TENM4: variants seen among roughly 807,000 people sequenced by gnomAD.
TENM4 encodes teneurin transmembrane protein 4, also known as teneurin-4.
Under a neutral mutation model 243.3 loss-of-function variants are expected in TENM4, and 82 were observed. That is an observed-to-expected ratio of 0.34 (90% CI 0.28 to 0.40). The LOEUF is 0.40. Ranked by LOEUF, TENM4 falls within the 10% of genes least tolerant of loss-of-function variation. The probability of loss-of-function intolerance (pLI) is 1.00; values close to 1 mark genes in which losing one functional copy is unlikely to be tolerated. For missense variants in TENM4, 3,138 were observed against 3,673.3 expected (o/e 0.85, Z 3.77); for synonymous variants, 1,412 against 1,456.3 (o/e 0.97, Z 0.69).
chr11:79,141,686 A>C (rs567725365), intron 4 of TENM4, among the ~76,000 whole-genome samples: 1 of 152,210 alleles, frequency 6.6e-6, no homozygotes, highest in African/African-American at 2.4e-5. Flanking sequence ...AGATGCATCA[A>C]ACAAATAAAC....
intron 6 of TENM4, among the ~76,000 whole-genome samples, chr11:79,059,763 G>C (rs1317982032): frequency 6.6e-6 from 1 of 152,126 alleles, no homozygotes; most frequent in Non-Finnish European, 1.5e-5. Flanking sequence ...CCTCTTCTTA[G>C]TTCCTGCTAA....
chr11:79,414,980 C>A (rs764609524), intron 1 of TENM4, among the ~76,000 whole-genome samples: 1 of 152,206 alleles, frequency 6.6e-6, no homozygotes, highest in Non-Finnish European at 1.5e-5. Flanking sequence ...AGGGGAGAGG[C>A]CTCGTGGTGC....
intron 9 of TENM4, among the ~76,000 whole-genome samples, chr11:78,885,218 GCCAACAGATTTCT>G (rs1157276381): frequency 6.6e-6 from 1 of 152,148 alleles, no homozygotes; most frequent in Non-Finnish European, 1.5e-5. Flanking sequence ...ATTGTGTTCT[GCCAACAGATTTCT>G]CCAGAAAAGA....
At chr11:79,402,970 A>C (rs75909034) in intron 1 of TENM4, among the ~76,000 whole-genome samples, 1,671 of 152,328 alleles carry the variant, frequency 0.011, 31 homozygotes, top group African/African-American at 0.038. Flanking sequence ...ACTGCTCCAA[A>C]TGAATATTAA....
chr11:79,294,930 G>C (rs913254047), intron 2 of TENM4, among the ~76,000 whole-genome samples: 1 of 152,116 alleles, frequency 6.6e-6, no homozygotes, highest in Non-Finnish European at 1.5e-5. Flanking sequence ...ATGGGCATTT[G>C]CTGCCTGGAG....
chr11:79,412,884 C>A (rs1309202700), intron 1 of TENM4, among the ~76,000 whole-genome samples: 1 of 152,208 alleles, frequency 6.6e-6, no homozygotes, highest in African/African-American at 2.4e-5. Context: ...CACAGCCAGG[C>A]ACTGTGTCAG....
chr11:79,234,733 T>G (rs1387339105), intron 2 of TENM4, among the ~76,000 whole-genome samples: 2 of 152,172 alleles, frequency 1.3e-5, no homozygotes, highest in East Asian at 1.9e-4. Context: ...ATTGTGCACA[T>G]AATTGCTACG....
intron 12 of TENM4, among the ~76,000 whole-genome samples, chr11:78,815,548 T>C (rs1162575748): frequency 6.6e-6 from 1 of 152,140 alleles, no homozygotes; most frequent in Non-Finnish European, 1.5e-5. Flanking sequence ...TAGAATCAAT[T>C]TCAGAAAGAT....
rs374733201 is a variant in TENM4, at chr11:79,343,339, T to C, written c.-320-45796A>G. Among the ~76,000 whole-genome samples the C allele has an allele frequency of 3.4e-4, 52 of 152,350 alleles. No homozygotes were observed. The Middle Eastern group carries it at 0.014, about 40-fold the overall frequency. ...ATGAGAACACAGAGGCTCAGGAAAG[T>C]GAAGCAGCTTGGCCTACGGTTTCAC... On this transcript the variant is annotated intron_variant, in intron 1 of 33. Transcript: ENST00000278550.
At chr11:78,930,741 G>T (rs1387328677) in intron 6 of TENM4, among the ~76,000 whole-genome samples, 1 of 152,178 alleles carries the variant, frequency 6.6e-6, no homozygotes, top group African/African-American at 2.4e-5. Context: ...AAAAAATTTT[G>T]ATTGTAACCT....
At chr11:78,739,983 G>A (rs1203430564) in intron 19 of TENM4, among the ~76,000 whole-genome samples, 1 of 152,236 alleles carries the variant, frequency 6.6e-6, no homozygotes, top group African/African-American at 2.4e-5. Flanking sequence ...GGGTGGAAAT[G>A]AAGGCACTGG....
At position 79,438,699 on chromosome 11, in the gene TENM4, C is replaced by T. The variant is rs1297698868; in HGVS notation, c.-321+1810G>A. Among the ~76,000 whole-genome samples, 29 of 152,210 alleles carry T rather than the reference C, an allele frequency of 1.9e-4. No homozygotes were observed. Among genetic ancestry groups the T allele is most frequent in the Admixed American group, 1.9e-3 (29 of 15,284 alleles). On this transcript the variant is annotated intron_variant, in intron 1 of 33. Transcript: ENST00000278550. This position sits in a 1 kb window ranked among gnomAD's most constrained non-coding sequence, Gnocchi z 4.1. Reference sequence around the variant, plus strand: ...TTTGGGGCTCCCCAGGACACCAAGTCAGTTTCTGAAAACGGCGTTCCCTGG... The same window carrying T: ...TTTGGGGCTCCCCAGGACACCAAGTTAGTTTCTGAAAACGGCGTTCCCTGG...
chr11:79,364,711 C>A (rs531449017), intron 1 of TENM4, among the ~76,000 whole-genome samples: 1 of 152,342 alleles, frequency 6.6e-6, no homozygotes, highest in East Asian at 1.9e-4. Context: ...GCTTCTATCA[C>A]ACTGAGGCCC....
chr11:78,979,720 G>C (rs1427126293), intron 6 of TENM4, among the ~76,000 whole-genome samples: 1 of 150,816 alleles, frequency 6.6e-6, no homozygotes, highest in Non-Finnish European at 1.5e-5. Context: ...CAGAGATAGG[G>C]ATGGTGGTAA....
Position 78,814,333 on chromosome 11 carries a change from G to C in TENM4, c.1744C>G (p.His582Asp). 1 of 1,550,470 alleles carries C rather than the reference G, an allele frequency of 6.4e-7. No individual in the cohort carries two copies. The highest frequency in any genetic ancestry group is 8.7e-7 in the Non-Finnish European group (1 of 1,146,444). Residue 582 changes from histidine to aspartate, a missense_variant, in exon 13 of 34, where the codon CAC (histidine) becomes GAC (aspartate). Physicochemically the swap from His to Asp is moderately conservative, Grantham distance 81. This residue lies in a region of TENM4 where 2,467 missense variants were observed against 3,059.1 expected (regional missense o/e 0.81). Coordinates refer to ENST00000278550, the MANE Select transcript of TENM4 (RefSeq NM_001098816.3). ...GGGCCCAGGAAACCCAGGAAGCAGTGGCAGGTCCCAGAGATGCAGTCACCA... is the reference window on the plus strand; with the variant it reads ...GGGCCCAGGAAACCCAGGAAGCAGTCGCAGGTCCCAGAGATGCAGTCACCA... ...GNGDCISGTC[H>D]CFLGFLGPDC... is the part of the protein sequence containing the mutation.
At chr11:79,398,817 TG>T (rs988242423) in intron 1 of TENM4, among the ~76,000 whole-genome samples, 4 of 148,658 alleles carry the variant, frequency 2.7e-5, no homozygotes, top group African/African-American at 9.9e-5. Context: ...TAAGGTATGC[TG>T]GGGGCCCAAG....
chr11:79,105,579 C>T (rs1861345886), intron 4 of TENM4, among the ~76,000 whole-genome samples: 1 of 152,286 alleles, frequency 6.6e-6, no homozygotes, highest in East Asian at 1.9e-4. Context: ...GCTGAGAAAA[C>T]AAGGGCTCAC....
intron 4 of TENM4, among the ~76,000 whole-genome samples, chr11:79,138,387 A>G (rs1314831892): frequency 8.3e-6 from 1 of 120,772 alleles, no homozygotes; most frequent in Non-Finnish European, 1.6e-5. Flanking sequence ...TATATATTAT[A>G]TAATATAGTT....
chr11:78,991,252 T>C (rs904838481), intron 6 of TENM4, among the ~76,000 whole-genome samples: 5 of 152,054 alleles, frequency 3.3e-5, no homozygotes, highest in Non-Finnish European at 2.9e-5. Context: ...AAAATAAAAG[T>C]TTTACAATGT....
Sources: gnomAD v4.1 joint callset for allele counts (sites outside exome capture counted in the v4.1 genomes callset) on GRCh38, gnomAD v4.1.1 for gene constraint, gnomAD v4.1.1 regional missense constraint, Gnocchi (gnomAD v3.1) non-coding constraint, MANE v1.5 for transcripts, NCBI Gene and HGNC (gene_info 2026-07-23, HGNC 2026-07-21) for gene names.